PRRG1: variants seen among roughly 807,000 people sequenced by gnomAD.
The protein encoded by PRRG1 is proline rich and Gla domain 1.
PRRG1 carries 5 observed loss-of-function variants against 11.8 expected under a neutral mutation model. That is an observed-to-expected ratio of 0.42 (90% CI 0.22 to 0.89). The LOEUF is 0.89. Among genes scored for constraint, PRRG1 ranks in the 40% least tolerant of loss-of-function variants. The probability of loss-of-function intolerance (pLI) is 0.28; values close to 1 mark genes in which losing one functional copy is unlikely to be tolerated. For missense variants in PRRG1, 155 were observed against 166.1 expected (o/e 0.93, Z 0.37); for synonymous variants, 66 against 60.4 (o/e 1.09, Z -0.43).
At chrX:37,450,360 T>C (rs1276835902) in intron 3 of PRRG1, among the ~76,000 whole-genome samples, 1 of 110,283 alleles carries the variant, frequency 9.1e-6, no homozygotes, top group Non-Finnish European at 1.9e-5. Flanking sequence ...AAGATTAAGT[T>C]ACTACCTGTA....
At chrX:37,391,843 C>T (rs1931547257) in intron 1 of PRRG1, among the ~76,000 whole-genome samples, 1 of 112,124 alleles carries the variant, frequency 8.9e-6, no homozygotes, top group Admixed American at 9.4e-5. Context: ...GTACCATTAT[C>T]TTTAATATTT....
rs1602046503 is a variant in PRRG1, at chrX:37,454,668, A to AC, written c.*1048dup. On this transcript the variant is annotated 3_prime_UTR_variant, in exon 4 of 4. Transcript: ENST00000378628. ...GAGGTAATTTTCCATTGAATTATCA[A>AC]CTGTGATTTTTATATTGCCCTCCAA... is the stretch of plus-strand genomic sequence containing the variant. The AC allele has an allele frequency of 8.9e-6, 1 of 112,076 alleles. No homozygotes were observed. The highest frequency in any genetic ancestry group is 3.2e-5 in the African/African-American group (1 of 30,773). The allele number at this position is 112,076 out of a possible 1,213,427, so 9.2% of individuals were successfully genotyped here.
At chrX:37,427,810 T>C (rs1472639075) in intron 3 of PRRG1, among the ~76,000 whole-genome samples, 1 of 111,969 alleles carries the variant, frequency 8.9e-6, no homozygotes, top group Admixed American at 9.5e-5. Context: ...TAAGGCTGAA[T>C]AATATTTCAT....
At chrX:37,402,319 A>G (rs782089560) in intron 1 of PRRG1, among the ~76,000 whole-genome samples, 25 of 111,706 alleles carry the variant, frequency 2.2e-4, no homozygotes, top group African/African-American at 7.5e-4. Flanking sequence ...CAGAGCCCTC[A>G]GAAATAATAC....
intron 1 of PRRG1, among the ~76,000 whole-genome samples, chrX:37,376,277 G>A (rs1219275599): frequency 1.9e-5 from 2 of 106,699 alleles, no homozygotes; most frequent in Non-Finnish European, 3.9e-5. Flanking sequence ...TTTATAGTGT[G>A]TTCTATTTTC....
At chrX:37,403,712 G>C (rs1205433146) in intron 1 of PRRG1, 2 of 742,764 alleles carry the variant, frequency 2.7e-6, no homozygotes, top group Non-Finnish European at 3.2e-6. Flanking sequence ...CAAAAAAGAA[G>C]GGACCAGAGA....
chrX:37,375,777 A>C (rs1930919442), intron 1 of PRRG1, among the ~76,000 whole-genome samples: 1 of 111,264 alleles, frequency 9.0e-6, no homozygotes, highest in Non-Finnish European at 1.9e-5. Flanking sequence ...CCTGAAGCCC[A>C]AAATAATTTT....
chrX:37,384,037 A>T (rs1931241283), intron 1 of PRRG1, among the ~76,000 whole-genome samples: 1 of 110,887 alleles, frequency 9.0e-6, no homozygotes, highest in African/African-American at 3.3e-5. Context: ...AAAAAAAGAA[A>T]CTAAAGCCTA....
At chrX:37,432,242 C>T (rs1287774391) in intron 3 of PRRG1, among the ~76,000 whole-genome samples, 2 of 110,700 alleles carry the variant, frequency 1.8e-5, no homozygotes, top group South Asian at 3.9e-4. Flanking sequence ...CGCCTGCCAC[C>T]ACGCCCGGCT....
At chrX:37,364,805 G>A (rs1930518674) in intron 1 of PRRG1, among the ~76,000 whole-genome samples, 2 of 111,871 alleles carry the variant, frequency 1.8e-5, no homozygotes, top group Middle Eastern at 9.2e-3. Context: ...TTGCTACAAT[G>A]GCATGTGGTT....
chrX:37,437,136 A>C (rs1444461777), intron 3 of PRRG1, among the ~76,000 whole-genome samples: 7 of 111,915 alleles, frequency 6.3e-5, no homozygotes, highest in Non-Finnish European at 1.3e-4. Context: ...TATATCATTG[A>C]TATTGTTTTT....
At chrX:37,402,622 A>C (rs781814256) in intron 1 of PRRG1, among the ~76,000 whole-genome samples, 1 of 112,024 alleles carries the variant, frequency 8.9e-6, no homozygotes, top group African/African-American at 3.2e-5. Flanking sequence ...CAAAAGCCAA[A>C]ATTGACAAAT....
chrX:37,364,155 G>A, intron 1 of PRRG1, among the ~76,000 whole-genome samples: 1 of 110,803 alleles, frequency 9.0e-6, no homozygotes, highest in Non-Finnish European at 1.9e-5. Flanking sequence ...GCTAGAGTTA[G>A]GACCCCTATA....
intron 1 of PRRG1, among the ~76,000 whole-genome samples, chrX:37,384,074 G>C (rs1931242608): frequency 9.1e-6 from 1 of 109,914 alleles, no homozygotes; most frequent in Non-Finnish European, 1.9e-5. Context: ...TTAAAGGAAG[G>C]TTAGTATATA....
At chrX:37,442,344 C>A in intron 3 of PRRG1, 1 of 463,429 alleles carries the variant, frequency 2.2e-6, no homozygotes, top group Non-Finnish European at 2.7e-6. Flanking sequence ...GTCCCATCTG[C>A]ATGCAGCTCA....
At chrX:37,432,213 A>G (rs191072359) in intron 3 of PRRG1, among the ~76,000 whole-genome samples, 2,173 of 109,065 alleles carry the variant, frequency 0.02, 71 homozygotes, top group African/African-American at 0.069. Flanking sequence ...TCAGCCTCCC[A>G]AGTAGCTGGG....
chrX:37,377,561 A>G (rs1043709028), intron 1 of PRRG1, among the ~76,000 whole-genome samples: 1 of 111,886 alleles, frequency 8.9e-6, no homozygotes, highest in Non-Finnish European at 1.9e-5. Flanking sequence ...CCTCTTGTTA[A>G]TGCACATGTA....
intron 1 of PRRG1, among the ~76,000 whole-genome samples, chrX:37,377,934 A>G (rs1601980575): frequency 8.9e-6 from 1 of 111,733 alleles, no homozygotes. Flanking sequence ...ACCTGTAACT[A>G]CAGATCAAGC....
intron 1 of PRRG1, among the ~76,000 whole-genome samples, chrX:37,378,131 T>C (rs1479215613): frequency 8.9e-6 from 1 of 112,272 alleles, no homozygotes; most frequent in Admixed American, 9.4e-5. Context: ...CAGAATTCAA[T>C]ATTTTTTCCA....
Sources: allele counts gnomAD v4.1 joint callset (sites outside exome capture counted in the v4.1 genomes callset), GRCh38; gene constraint gnomAD v4.1.1; transcripts MANE v1.5; gene names NCBI Gene and HGNC (gene_info 2026-07-23, HGNC 2026-07-21).